Variants in MAGI3 observed in about 807,000 individuals in gnomAD.
MAGI3 encodes the protein membrane-associated guanylate kinase, WW and PDZ domain-containing protein 3.
Under a neutral mutation model 121.8 loss-of-function variants are expected in MAGI3, and 43 were observed. The ratio of observed to expected loss-of-function variants is 0.35; its 90% CI spans 0.28 to 0.46. The LOEUF is 0.46. Among genes scored for constraint, MAGI3 ranks in the 20% least tolerant of loss-of-function variants. MAGI3 has a pLI of 1.00. For missense variants in MAGI3, 1,547 were observed against 1,797.3 expected, an observed-to-expected ratio of 0.86 and a Z score of 2.52; for synonymous variants, 553 against 639.3, an observed-to-expected ratio of 0.86 and a Z score of 2.04.
chr1:113,416,153 G>T (rs181002286), intron 1 of MAGI3, among the ~76,000 whole-genome samples: 2 of 87,784 alleles, frequency 2.3e-5, no homozygotes, highest in African/African-American at 3.9e-5. Context: ...TGTAATTAAT[G>T]ACACATATTA....
chr1:113,536,247 T>G (rs1475479042), intron 1 of MAGI3, among the ~76,000 whole-genome samples: 1 of 152,086 alleles, frequency 6.6e-6, no homozygotes, highest in African/African-American at 2.4e-5. Context: ...TATACATGTA[T>G]TTAAACTCAC....
intron 1 of MAGI3, among the ~76,000 whole-genome samples, chr1:113,479,225 C>T (rs1655998669): frequency 6.6e-6 from 1 of 152,234 alleles, no homozygotes; most frequent in East Asian, 1.9e-4. Context: ...ACGTCTCGCC[C>T]TCCTTTGGCT....
intron 1 of MAGI3, among the ~76,000 whole-genome samples, chr1:113,512,771 G>A (rs1444587015): frequency 6.6e-6 from 1 of 152,282 alleles, no homozygotes; most frequent in African/African-American, 2.4e-5. Flanking sequence ...GGAAGTTCTG[G>A]CCAGGGCAAT....
chr1:113,391,299 C>T lies in MAGI3; in HGVS notation c.266C>T (p.Ala89Val). Residue 89 changes from alanine to valine, a missense_variant, in exon 1 of 21, where the codon GCT becomes GTT. Coordinates refer to ENST00000307546, the MANE Select transcript of MAGI3 (RefSeq NM_001142782.2). This position sits in a 1 kb window ranked among gnomAD's most constrained non-coding sequence, Gnocchi z 4.4. ...VSGLTNRDTL[A>V]VIRHFREPIR... ...GGGCTCACCAACCGGGACACCCTGG[C>T]TGTCATCCGCCACTTCCGCGAGCCC... 6.3e-7 allele frequency: 1 copy of T among 1,594,846 alleles called. No individual in the cohort carries two copies. The highest frequency in any genetic ancestry group is 1.3e-5 in the African/African-American group (1 of 74,430).
At chr1:113,489,695 G>A (rs555516847) in intron 1 of MAGI3, among the ~76,000 whole-genome samples, 16 of 151,918 alleles carry the variant, frequency 1.1e-4, no homozygotes, top group African/African-American at 3.9e-4. Context: ...TAGAAAAGAA[G>A]GTTACAACCC....
intron 1 of MAGI3, among the ~76,000 whole-genome samples, chr1:113,415,982 T>TATACAA (rs1652281128): frequency 7.3e-6 from 1 of 137,470 alleles, no homozygotes; most frequent in Non-Finnish European, 1.6e-5. Context: ...AACATTTATA[T>TATACAA]ATATTAATTA....
At chr1:113,614,893 T>TA (rs1650364214) in intron 7 of MAGI3, among the ~76,000 whole-genome samples, 1 of 152,102 alleles carries the variant, frequency 6.6e-6, no homozygotes, top group South Asian at 2.1e-4. Context: ...AGACAATTAA[T>TA]AGCTAGAGAT....
At chr1:113,428,543 T>G (rs900786346) in intron 1 of MAGI3, among the ~76,000 whole-genome samples, 1 of 152,210 alleles carries the variant, frequency 6.6e-6, no homozygotes, top group Non-Finnish European at 1.5e-5. Context: ...AAGCCGCAAA[T>G]GTGAGCCATA....
At chr1:113,626,463 T>C (rs979715833) in intron 9 of MAGI3, among the ~76,000 whole-genome samples, 18 of 152,204 alleles carry the variant, frequency 1.2e-4, no homozygotes, top group Non-Finnish European at 2.2e-4. Context: ...ATCAGGGTAA[T>C]ACTGGCATCA....
intron 1 of MAGI3, among the ~76,000 whole-genome samples, chr1:113,491,043 C>T (rs1025946155): frequency 2.6e-5 from 4 of 152,182 alleles, no homozygotes; most frequent in African/African-American, 9.7e-5. Context: ...TCAACATCCA[C>T]AGAACTCTCC....
intron 1 of MAGI3, among the ~76,000 whole-genome samples, chr1:113,513,331 C>T (rs999616681): frequency 6.6e-6 from 1 of 152,108 alleles, no homozygotes; most frequent in African/African-American, 2.4e-5. Flanking sequence ...CAATCCTAAG[C>T]CAAAAGAACA....
intron 2 of MAGI3, among the ~76,000 whole-genome samples, chr1:113,551,742 A>G (rs1659798464): frequency 6.6e-6 from 1 of 151,990 alleles, no homozygotes; most frequent in African/African-American, 2.4e-5. Flanking sequence ...CATGGTTTTT[A>G]TATTTACCAT....
intron 1 of MAGI3, among the ~76,000 whole-genome samples, chr1:113,497,311 C>T (rs1656974606): frequency 7.8e-6 from 1 of 128,550 alleles, no homozygotes; most frequent in Non-Finnish European, 1.7e-5. Context: ...CCGGGTTCAT[C>T]TCACTAGGGA....
intron 1 of MAGI3, among the ~76,000 whole-genome samples, chr1:113,443,244 A>G (rs1654007144): frequency 6.6e-6 from 1 of 152,202 alleles, no homozygotes; most frequent in Non-Finnish European, 1.5e-5. Flanking sequence ...ATGTTAAGCT[A>G]TTATGTGCAA....
intron 1 of MAGI3, among the ~76,000 whole-genome samples, chr1:113,413,932 A>C (rs1652151085): frequency 6.6e-6 from 1 of 152,130 alleles, no homozygotes; most frequent in Admixed American, 6.5e-5. Flanking sequence ...AGGAGTGGTG[A>C]GAGAGGGCAT....
At chr1:113,420,055 C>G (rs1215029265) in intron 1 of MAGI3, among the ~76,000 whole-genome samples, 1 of 152,166 alleles carries the variant, frequency 6.6e-6, no homozygotes, top group Non-Finnish European at 1.5e-5. Context: ...GTGGAAATTA[C>G]AGAGACAGAT....
chr1:113,640,921 T>TCTAA (rs1652420686), intron 9 of MAGI3, among the ~76,000 whole-genome samples: 1 of 63,540 alleles, frequency 1.6e-5, no homozygotes. Flanking sequence ...ATATATGATA[T>TCTAA]ATTTTATATA....
At chr1:113,610,285 A>G (rs1351887585) in intron 6 of MAGI3, among the ~76,000 whole-genome samples, 1 of 151,832 alleles carries the variant, frequency 6.6e-6, no homozygotes, top group Non-Finnish European at 1.5e-5. Context: ...AATGCTGACC[A>G]TGCCCTTCCT....
intron 16 of MAGI3, among the ~76,000 whole-genome samples, chr1:113,669,156 T>C (rs940163945): frequency 2.0e-5 from 3 of 152,166 alleles, no homozygotes; most frequent in Non-Finnish European, 4.4e-5. Context: ...ATAGTAACCA[T>C]GAATTTACAG....
Sources: gnomAD v4.1 joint callset for allele counts (sites outside exome capture counted in the v4.1 genomes callset) on GRCh38, gnomAD v4.1.1 for gene constraint, Gnocchi (gnomAD v3.1) non-coding constraint, MANE v1.5 for transcripts, NCBI Gene and HGNC (gene_info 2026-07-23, HGNC 2026-07-21) for gene names.